Variants in SUGCT observed in about 807,000 individuals in gnomAD.
The protein encoded by SUGCT is succinyl-CoA:glutarate CoA-transferase.
SUGCT carries 41 observed loss-of-function variants against 55.0 expected under a neutral mutation model. The observed-to-expected ratio is 0.74, with a 90% CI of 0.58 to 0.97. The LOEUF (loss-of-function observed/expected upper bound fraction) is 0.97. Among genes scored for constraint, SUGCT ranks in the 50% least tolerant of loss-of-function variants. The pLI, the probability that SUGCT is intolerant of heterozygous loss-of-function variation, is 0.00. For missense variants in SUGCT, 568 were observed against 547.8 expected (o/e 1.04, Z -0.37); for synonymous variants, 187 against 200.4 (o/e 0.93, Z 0.56).
chr7:40,159,548 T>G (rs910422651), intron 1 of SUGCT, among the ~76,000 whole-genome samples: 2 of 152,076 alleles, frequency 1.3e-5, no homozygotes, highest in Non-Finnish European at 2.9e-5. Context: ...TTTTTCTTAT[T>G]TTAGTAGAGA....
chr7:41,000,952 T>A, the SUGCT span, among the ~76,000 whole-genome samples: 1 of 152,032 alleles, frequency 6.6e-6, no homozygotes, highest in African/African-American at 2.4e-5. Context: ...AAGAAAAAAT[T>A]AAAAAACTGG....
the SUGCT span, among the ~76,000 whole-genome samples, chr7:40,987,658 A>G: frequency 6.6e-6 from 1 of 152,200 alleles, no homozygotes; most frequent in East Asian, 1.9e-4. Context: ...TGAGGAAGCA[A>G]TGATGAAGGA....
At chr7:40,662,085 G>A (rs1335772847) in intron 12 of SUGCT, among the ~76,000 whole-genome samples, 1 of 152,186 alleles carries the variant, frequency 6.6e-6, no homozygotes, top group Non-Finnish European at 1.5e-5. Context: ...CCCAAAGCAA[G>A]CTTTTCTCTT....
At chr7:40,763,690 G>A (rs1788646494) in intron 13 of SUGCT, among the ~76,000 whole-genome samples, 2 of 151,998 alleles carry the variant, frequency 1.3e-5, no homozygotes, top group African/African-American at 4.8e-5. Flanking sequence ...CAGCTCACCG[G>A]GCATTCATAT....
chr7:40,254,193 CCT>C (rs1052031987), intron 7 of SUGCT, among the ~76,000 whole-genome samples: 58 of 152,292 alleles, frequency 3.8e-4, no homozygotes, highest in African/African-American at 1.4e-3. Context: ...TCCTCTAAAA[CCT>C]CTTTTCTAAA....
chr7:40,191,460 A>G (rs1371990226), intron 5 of SUGCT, among the ~76,000 whole-genome samples: 3 of 152,222 alleles, frequency 2.0e-5, no homozygotes, highest in Non-Finnish European at 4.4e-5. Flanking sequence ...TGCTGGATCA[A>G]TGCAGCCAAT....
At chr7:40,316,698 C>A in intron 8 of SUGCT, 62 bp from the exon 9 acceptor site, 2 of 1,069,484 alleles carry the variant, frequency 1.9e-6, no homozygotes, top group Non-Finnish European at 2.7e-6. Flanking sequence ...ATATAACGTT[C>A]TCTTTATGAG....
chr7:40,649,542 G>T (rs1321973379), intron 12 of SUGCT, among the ~76,000 whole-genome samples: 2 of 151,980 alleles, frequency 1.3e-5, no homozygotes, highest in African/African-American at 4.8e-5. Flanking sequence ...AATTATTTAG[G>T]ATATTTTCTA....
chr7:40,572,276 T>C (rs1414477658), intron 12 of SUGCT, among the ~76,000 whole-genome samples: 3 of 152,156 alleles, frequency 2.0e-5, no homozygotes, highest in Non-Finnish European at 4.4e-5. Context: ...AATTTGTTGG[T>C]GTGGCAGCAA....
chr7:41,035,629 T>G, the SUGCT span, among the ~76,000 whole-genome samples: 1 of 152,212 alleles, frequency 6.6e-6, no homozygotes, highest in South Asian at 2.1e-4. Context: ...TTAGGAAAAA[T>G]AAATACTGCA....
At chr7:40,867,085 A>G in the SUGCT span, among the ~76,000 whole-genome samples, 1 of 151,174 alleles carries the variant, frequency 6.6e-6, no homozygotes, top group Non-Finnish European at 1.5e-5. Context: ...AAGTGGAAGT[A>G]GATTTACAAG....
At chr7:40,569,636 A>G (rs1226321998) in intron 12 of SUGCT, among the ~76,000 whole-genome samples, 1 of 152,194 alleles carries the variant, frequency 6.6e-6, no homozygotes, top group African/African-American at 2.4e-5. Flanking sequence ...CTGACAGATC[A>G]TTGAGAAAAT....
At chr7:40,701,804 C>T (rs1785182271) in intron 12 of SUGCT, among the ~76,000 whole-genome samples, 1 of 152,192 alleles carries the variant, frequency 6.6e-6, no homozygotes. Flanking sequence ...GGGCTTCCTC[C>T]TACTTTCAAC....
the SUGCT span, among the ~76,000 whole-genome samples, chr7:40,932,103 CAG>C: frequency 6.6e-6 from 1 of 152,066 alleles, no homozygotes; most frequent in African/African-American, 2.4e-5. Context: ...AAATGTGTCT[CAG>C]AGATTCTGGT....
chr7:40,924,714 G>C, the SUGCT span, among the ~76,000 whole-genome samples: 1 of 152,160 alleles, frequency 6.6e-6, no homozygotes, highest in Non-Finnish European at 1.5e-5. Context: ...CTGGGGCTCA[G>C]ATTTACAGTG....
rs772606842 is a variant in SUGCT at position 40,188,528 on chromosome 7, C to G, written c.260C>G (p.Pro87Arg). The G allele has an allele frequency of 1.2e-6, 2 of 1,609,804 alleles. No homozygotes were observed. Among genetic ancestry groups the G allele is most frequent in the Non-Finnish European group, 1.7e-6 (2 of 1,178,658 alleles). Residue 87 changes from proline to arginine, a missense_variant, in exon 4 of 14, where the codon CCT becomes CGT. Physicochemically the swap from Pro to Arg is moderately radical, Grantham distance 103. Coordinates refer to ENST00000335693, the MANE Select transcript of SUGCT (RefSeq NM_001193313.2). Reference sequence around the variant, plus strand: ...GATGATACACGAACTTGGGGGCCACCTTTTGTTGGGACAGAAAGTACATAT... The same window carrying G: ...GATGATACACGAACTTGGGGGCCACGTTTTGTTGGGACAGAAAGTACATAT... ...AGDDTRTWGP[P>R]FVGTESTYYL...
chr7:40,655,069 G>A (rs1026572738), intron 12 of SUGCT, among the ~76,000 whole-genome samples: 3 of 152,134 alleles, frequency 2.0e-5, no homozygotes, highest in South Asian at 2.1e-4. Flanking sequence ...CTGAGGCGGG[G>A]CATCATTTGA....
intron 9 of SUGCT, among the ~76,000 whole-genome samples, chr7:40,385,060 G>A (rs965803455): frequency 2.0e-5 from 3 of 152,146 alleles, no homozygotes; most frequent in Non-Finnish European, 2.9e-5. Flanking sequence ...GAAGATAAAG[G>A]CGAGACGATT....
the SUGCT span, among the ~76,000 whole-genome samples, chr7:40,916,349 G>A: frequency 6.6e-6 from 1 of 152,148 alleles, no homozygotes; most frequent in Non-Finnish European, 1.5e-5. Flanking sequence ...TTGATTGAAG[G>A]ATGGGTATGA....
Sources: gnomAD v4.1 joint callset for allele counts (sites outside exome capture counted in the v4.1 genomes callset) on GRCh38, gnomAD v4.1.1 for gene constraint, MANE v1.5 for transcripts, NCBI Gene and HGNC (gene_info 2026-07-23, HGNC 2026-07-21) for gene names.